PRELID2: variants seen among roughly 807,000 people sequenced by gnomAD.
PRELID2 encodes the protein PRELI domain-containing protein 2.
In PRELID2, 25 loss-of-function variants were observed where a neutral mutation model predicts 28.4. The observed-to-expected ratio is 0.88, with a 90% CI of 0.64 to 1.23. PRELID2 has a LOEUF of 1.23. Ranked by LOEUF, PRELID2 falls within the 50% of genes most tolerant of loss-of-function variation. PRELID2 has a pLI of 0.00. For missense variants in PRELID2, 201 were observed against 214.4 expected (o/e 0.94, Z 0.39); for synonymous variants, 76 against 71.6 (o/e 1.06, Z -0.31).
chr5:145,768,096 G>A (rs1382275688), intron 5 of PRELID2, among the ~76,000 whole-genome samples: 2 of 151,826 alleles, frequency 1.3e-5, no homozygotes, highest in African/African-American at 4.8e-5. Context: ...GTGGTGGTGG[G>A]TGCCTGTAGT....
chr5:145,715,976 C>T lies in PRELID2; in HGVS notation n.70+48955G>A, dbSNP rs559456587. On this transcript the variant is annotated intron_variant and non_coding_transcript_variant, in intron 1 of 2. Transcript: ENST00000510259. ...TGTCCAACCCATGGCCCTCTGGCTG[C>T]GTGTGGCCCAGGATGGCTTTGAATG... Among the ~76,000 whole-genome samples, 105 of 152,276 alleles carry T rather than the reference C, an allele frequency of 6.9e-4. 1 individual carries two copies. Among genetic ancestry groups the T allele is most frequent in the African/African-American group, 2.2e-3 (91 of 41,558 alleles).
the PRELID2 span, among the ~76,000 whole-genome samples, chr5:145,258,600 G>A: frequency 5.9e-5 from 9 of 152,148 alleles, no homozygotes; most frequent in East Asian, 1.7e-3. Flanking sequence ...TTTCGAAGCA[G>A]TAAAGCATTC....
At chr5:145,303,775 A>C in the PRELID2 span, among the ~76,000 whole-genome samples, 4 of 152,334 alleles carry the variant, frequency 2.6e-5, no homozygotes, top group East Asian at 7.7e-4. Context: ...TTACTGTTGC[A>C]ATTACAAATC....
intron 3 of PRELID2, chr5:145,819,722 T>C (rs1247401586): frequency 1.4e-5 from 8 of 585,308 alleles, no homozygotes; most frequent in Admixed American, 3.5e-5. Flanking sequence ...AATATCTCTA[T>C]GTCCATTAAG....
intron 6 of PRELID2, among the ~76,000 whole-genome samples, chr5:145,763,776 A>T (rs905328641): frequency 6.6e-6 from 1 of 152,192 alleles, no homozygotes; most frequent in Non-Finnish European, 1.5e-5. Flanking sequence ...CAACTCTCAG[A>T]TGTTAAAAAC....
the PRELID2 span, among the ~76,000 whole-genome samples, chr5:145,423,555 C>G: frequency 6.8e-6 from 1 of 147,872 alleles, no homozygotes; most frequent in African/African-American, 2.5e-5. Context: ...GCATTCTTCA[C>G]GTAGTTCTCG....
the PRELID2 span, among the ~76,000 whole-genome samples, chr5:145,284,681 T>C: frequency 6.6e-6 from 1 of 152,124 alleles, no homozygotes. Flanking sequence ...AAAATTCAGC[T>C]ATTTAAATCC....
chr5:145,722,985 G>A (rs886633473), intron 1 of PRELID2, among the ~76,000 whole-genome samples: 1 of 151,984 alleles, frequency 6.6e-6, no homozygotes, highest in Non-Finnish European at 1.5e-5. Context: ...GAGACCCGAT[G>A]TTACAAAAAT....
the PRELID2 span, among the ~76,000 whole-genome samples, chr5:145,413,322 GATAAA>G: frequency 0.42 from 62,108 of 149,340 alleles, 13,056 homozygotes; most frequent in Admixed American, 0.49. Context: ...ATGATTAAAA[GATAAA>G]ATATAATAGA....
At chr5:145,771,520 A>C (rs1355978005) in intron 5 of PRELID2, among the ~76,000 whole-genome samples, 2 of 151,966 alleles carry the variant, frequency 1.3e-5, no homozygotes, top group East Asian at 3.9e-4. Flanking sequence ...TGTGACACAC[A>C]GAGATAAAGG....
chr5:145,620,505 T>C (rs908854155), intron 1 of PRELID2, among the ~76,000 whole-genome samples: 5 of 152,146 alleles, frequency 3.3e-5, no homozygotes, highest in African/African-American at 1.2e-4. Context: ...GAGCACTAGG[T>C]ATAGGGGAAA....
intron 1 of PRELID2, among the ~76,000 whole-genome samples, chr5:145,522,807 GA>G (rs1170996837): frequency 3.3e-5 from 5 of 151,640 alleles, no homozygotes; most frequent in African/African-American, 4.8e-5. Flanking sequence ...AGGAGGATGA[GA>G]GGGGGAGGAG....
chr5:145,402,178 G>A, the PRELID2 span, among the ~76,000 whole-genome samples: 1 of 133,884 alleles, frequency 7.5e-6, no homozygotes, highest in African/African-American at 2.9e-5. Flanking sequence ...AGAAGAATTG[G>A]ACATGGACTC....
At chr5:145,560,146 A>T (rs1220777018) in intron 1 of PRELID2, among the ~76,000 whole-genome samples, 4 of 152,232 alleles carry the variant, frequency 2.6e-5, no homozygotes, top group Non-Finnish European at 4.4e-5. Flanking sequence ...GAAAAACAGA[A>T]TGATTATATG....
rs1176271530 is a variant in PRELID2 at position 145,560,577 on chromosome 5, TCTGCA to T, written n.71-87267_71-87263del. 4.6e-5 allele frequency among the ~76,000 whole-genome samples: 7 copies of T among 152,344 alleles called. No homozygotes were observed. In the East Asian group the frequency reaches 1.3e-3, roughly 29 times the overall value. On this transcript the variant is annotated intron_variant and non_coding_transcript_variant, in intron 1 of 2. Transcript: ENST00000510259. ...AACTGCCAATAACTAAGAACTTGCT[TCTGCA>T]AAGTCTGGCATGCTAATACAGCCTG...
At chr5:145,323,367 A>T in the PRELID2 span, among the ~76,000 whole-genome samples, 1 of 152,218 alleles carries the variant, frequency 6.6e-6, no homozygotes, top group Admixed American at 6.5e-5. Flanking sequence ...TACAAGTCCA[A>T]TGAGAAGCCA....
In PRELID2 at chr5:145,584,006, G is replaced by A. The variant is rs184941682; in HGVS notation, n.71-110691C>T. Among the ~76,000 whole-genome samples the A allele has an allele frequency of 1.3e-3, 205 of 152,124 alleles. 2 individuals carry two copies. Among genetic ancestry groups the A allele is most frequent in the South Asian group, 9.8e-3 (47 of 4,810 alleles). ...GAAAATCCTAAGCAAAAAGAACAAA[G>A]CTGGAGGCATCACACTACCCAACTT... On this transcript the variant is annotated intron_variant and non_coding_transcript_variant, in intron 1 of 2. Transcript: ENST00000510259.
At chr5:145,740,624 A>ATTT in intron 1 of PRELID2, among the ~76,000 whole-genome samples, 1 of 11,826 alleles carries the variant, frequency 8.5e-5, no homozygotes, top group Admixed American at 1.5e-3. Context: ...AAATATATAT[A>ATTT]TATTATATAT....
rs373716900 is a variant in PRELID2 at position 145,536,448 on chromosome 5, G to A, written n.71-63133C>T. ...TCATTTCACGGACTTTGTACAACGAGTTCAAAATGCAGCTGCCAAGAACTC... is the reference window on the plus strand; with the variant it reads ...TCATTTCACGGACTTTGTACAACGAATTCAAAATGCAGCTGCCAAGAACTC... On this transcript the variant is annotated intron_variant and non_coding_transcript_variant, in intron 1 of 2. Transcript: ENST00000510259. Among the ~76,000 whole-genome samples the A allele has an allele frequency of 1.7e-4, 26 of 152,022 alleles. No individual in the cohort carries two copies. In the East Asian group the frequency reaches 1.7e-3, roughly 10 times the overall value.
Sources: allele counts gnomAD v4.1 joint callset (sites outside exome capture counted in the v4.1 genomes callset), GRCh38; gene constraint gnomAD v4.1.1; transcripts MANE v1.5; gene names NCBI Gene and HGNC (gene_info 2026-07-23, HGNC 2026-07-21).